CDH20: variants seen among roughly 807,000 people sequenced by gnomAD.
CDH20 encodes cadherin-20.
In CDH20, 29 loss-of-function variants were observed where a neutral mutation model predicts 74.2. The observed-to-expected ratio is 0.39, with a 90% CI of 0.29 to 0.53. The LOEUF is 0.53. Among genes scored for constraint, CDH20 ranks in the 20% least tolerant of loss-of-function variants. The pLI is 0.69. For synonymous variants in CDH20, 469 were observed against 405.4 expected (o/e 1.16, Z -1.88); for missense variants, 988 against 1,048.3 (o/e 0.94, Z 0.79).
chr18:61,346,684 A>G (rs1910123803), intron 1 of CDH20, among the ~76,000 whole-genome samples: 1 of 152,214 alleles, frequency 6.6e-6, no homozygotes, highest in Admixed American at 6.5e-5. Context: ...TAGTTCAATT[A>G]TCATTATCTA....
At chr18:61,458,169 C>T (rs1411417693) in intron 1 of CDH20, among the ~76,000 whole-genome samples, 1 of 152,174 alleles carries the variant, frequency 6.6e-6, no homozygotes, top group Non-Finnish European at 1.5e-5. Context: ...TTCCCTACAA[C>T]CTCCTTCCTG....
At chr18:61,535,960 T>C (rs559532669) in intron 7 of CDH20, among the ~76,000 whole-genome samples, 76 of 152,242 alleles carry the variant, frequency 5.0e-4, no homozygotes, top group African/African-American at 1.8e-3. Context: ...AGCAAATACA[T>C]TACCATTATT....
In CDH20 at chr18:61,555,065, A is replaced by G. The variant is rs1469605680; in HGVS notation, c.*370A>G. On this transcript the variant is annotated 3_prime_UTR_variant, in exon 12 of 12. Transcript: ENST00000262717. ...TCTGGCCTTGGATACAGAGATGCCA[A>G]TTGAAAGCAGAAAGTTCTACTCTCG... is the stretch of plus-strand genomic sequence containing the variant. 9.3e-6 allele frequency: 10 copies of G among 1,071,882 alleles called. No homozygotes were observed. Among genetic ancestry groups the G allele is most frequent in the Admixed American group, 9.4e-5 (2 of 21,172 alleles). The allele number at this position is 1,071,882 out of a possible 1,614,324, so 66.4% of individuals were successfully genotyped here. A position where few individuals can be genotyped will look rare whatever the true frequency, so the allele number is the denominator to read the frequency against.
At chr18:61,471,183 C>T (rs1030965250) in intron 1 of CDH20, among the ~76,000 whole-genome samples, 22 of 152,166 alleles carry the variant, frequency 1.4e-4, no homozygotes, top group African/African-American at 4.8e-4. Context: ...TTATTCTCTG[C>T]TCATGAACAG....
At chr18:61,366,706 A>G (rs1284734764) in intron 1 of CDH20, among the ~76,000 whole-genome samples, 1 of 152,156 alleles carries the variant, frequency 6.6e-6, no homozygotes, top group Non-Finnish European at 1.5e-5. Flanking sequence ...CTACTTGAAG[A>G]TTTATAATGT....
chr18:61,547,404 A>AT (rs748552042), intron 10 of CDH20, among the ~76,000 whole-genome samples: 2 of 152,186 alleles, frequency 1.3e-5, no homozygotes, highest in African/African-American at 2.4e-5. Context: ...CTGTGCCTGA[A>AT]ACATGATGTC....
chr18:61,460,075 C>A (rs1909716547), intron 1 of CDH20, among the ~76,000 whole-genome samples: 1 of 151,778 alleles, frequency 6.6e-6, no homozygotes, highest in South Asian at 2.1e-4. Context: ...GAGGAGGACA[C>A]ACTGGTTTTA....
In CDH20 at chr18:61,543,508, G is replaced by C. The variant is rs1358436377; in HGVS notation, c.1531-1519G>C. Among the ~76,000 whole-genome samples, 3 of 79,740 alleles carry C rather than the reference G, an allele frequency of 3.8e-5. No individual in the cohort carries two copies. In the East Asian group the frequency reaches 1.3e-3, roughly 35 times the overall value. The allele number at this position is 79,740 out of a possible 152,430, so 52.3% of individuals were successfully genotyped here. A position where few individuals can be genotyped will look rare whatever the true frequency, so the allele number is the denominator to read the frequency against. On this transcript the variant is annotated intron_variant, in intron 9 of 11. Transcript: ENST00000262717. ...CTGTTTCACACAGATTTCTTTAATA[G>C]CTTTTACATCATGGTCTCCACAGAC...
At position 61,497,336 on chromosome 18, in the gene CDH20, A is replaced by G. The variant is rs184344690; in HGVS notation, c.247-1850A>G. Among the ~76,000 whole-genome samples, 43 of 152,292 alleles carry G rather than the reference A, an allele frequency of 2.8e-4. No individual in the cohort carries two copies. The East Asian group carries it at 7.7e-3, about 27-fold the overall frequency. ...ATCTGAGATCAGCTCAAAGCCAGCC[A>G]CAACCTCCAAACCCATCCCTGTCGG... On this transcript the variant is annotated intron_variant, in intron 2 of 11. Coordinates refer to ENST00000262717, the MANE Select transcript of CDH20 (RefSeq NM_031891.4).
At chr18:61,484,737 CCACACA>C (rs36203080) in intron 1 of CDH20, among the ~76,000 whole-genome samples, 2,115 of 146,304 alleles carry the variant, frequency 0.014, 41 homozygotes, top group African/African-American at 0.038. Context: ...TTGCTCTACT[CCACACA>C]CACACACACA....
intron 2 of CDH20, among the ~76,000 whole-genome samples, chr18:61,495,450 T>C (rs1343958703): frequency 6.6e-6 from 1 of 152,340 alleles, no homozygotes; most frequent in East Asian, 1.9e-4. Flanking sequence ...TAATTTCTCC[T>C]CTTCCAACCA....
chr18:61,372,240 C>T (rs536550333), intron 1 of CDH20, among the ~76,000 whole-genome samples: 4 of 152,160 alleles, frequency 2.6e-5, no homozygotes, highest in African/African-American at 9.6e-5. Context: ...TTCTTCTCCC[C>T]ACAATTTTAC....
At chr18:61,499,590 G>C (rs557714296) in intron 3 of CDH20, 110 bp downstream of exon 3, 1 of 909,926 alleles carries the variant, frequency 1.1e-6, no homozygotes, top group South Asian at 2.3e-5. Flanking sequence ...ATTCAGAACA[G>C]GAGAGCATGA....
intron 1 of CDH20, among the ~76,000 whole-genome samples, chr18:61,356,498 T>G (rs1293747632): frequency 6.6e-6 from 1 of 152,198 alleles, no homozygotes; most frequent in African/African-American, 2.4e-5. Context: ...ATACTTATTT[T>G]CCTCTACCGC....
At chr18:61,354,777 T>C (rs1265355359) in intron 1 of CDH20, among the ~76,000 whole-genome samples, 1 of 152,224 alleles carries the variant, frequency 6.6e-6, no homozygotes, top group Non-Finnish European at 1.5e-5. Context: ...TCCGCTCAGC[T>C]TATCCAGATC....
intron 1 of CDH20, among the ~76,000 whole-genome samples, chr18:61,417,254 A>G (rs753889656): frequency 6.6e-5 from 10 of 152,166 alleles, no homozygotes; most frequent in Admixed American, 5.2e-4. Flanking sequence ...CTTTGGTGCT[A>G]AATCAAAAAA....
chr18:61,421,386 T>C (rs1912873675), intron 1 of CDH20, among the ~76,000 whole-genome samples: 1 of 152,202 alleles, frequency 6.6e-6, no homozygotes, highest in African/African-American at 2.4e-5. Context: ...AAATTTACTG[T>C]TATCACCAGA....
At chr18:61,414,810 T>C (rs921872605) in intron 1 of CDH20, among the ~76,000 whole-genome samples, 23 of 152,004 alleles carry the variant, frequency 1.5e-4, no homozygotes, top group Admixed American at 3.3e-4. Flanking sequence ...TAAATATTTA[T>C]AATTGGATAG....
At position 61,527,398 on chromosome 18, in the gene CDH20, G is replaced by GATAGATAGATAGAT. The variant is rs1156942669; in HGVS notation, c.1018-567_1018-554dup. ...AGATAGATAGATAGATAGATAGATA[G>GATAGATAGATAGAT]ATAGATAGATAGATAGAATAGATAT... On this transcript the variant is annotated intron_variant, in intron 6 of 11. Transcript: ENST00000262717. 6.0e-4 allele frequency among the ~76,000 whole-genome samples: 89 copies of GATAGATAGATAGAT among 147,764 alleles called. 1 individual carries two copies. Among genetic ancestry groups the GATAGATAGATAGAT allele is most frequent in the African/African-American group, 2.1e-3 (84 of 39,458 alleles).
Sources: gnomAD v4.1 joint callset for allele counts (sites outside exome capture counted in the v4.1 genomes callset) on GRCh38, gnomAD v4.1.1 for gene constraint, MANE v1.5 for transcripts, NCBI Gene and HGNC (gene_info 2026-07-23, HGNC 2026-07-21) for gene names.